Variants in DNAAF5 observed in about 807,000 individuals in gnomAD.
DNAAF5 encodes dynein axonemal assembly factor 5.
In DNAAF5, 64 loss-of-function variants were observed where a neutral mutation model predicts 75.8. The observed-to-expected ratio is 0.84, with a 90% CI of 0.69 to 1.04. The LOEUF (loss-of-function observed/expected upper bound fraction) is 1.04. Ranked by LOEUF, DNAAF5 falls within the 50% of genes least tolerant of loss-of-function variation. The pLI is 0.00. For missense variants in DNAAF5, 1,269 were observed against 1,178.5 expected, an observed-to-expected ratio of 1.08 and a Z score of -1.12; for synonymous variants, 657 against 557.2, an observed-to-expected ratio of 1.18 and a Z score of -2.52.
At chr7:735,592 C>G (rs1168592197) in intron 2 of DNAAF5, among the ~76,000 whole-genome samples, 1 of 152,180 alleles carries the variant, frequency 6.6e-6, no homozygotes, top group Non-Finnish European at 1.5e-5. Flanking sequence ...AGTGTAGTTG[C>G]TCACAGTCTC....
In DNAAF5 at chr7:745,774, C is replaced by T. The variant is rs113603951; in HGVS notation, c.1024+4309C>T. Among the ~76,000 whole-genome samples the T allele has an allele frequency of 3.2e-3, 493 of 152,368 alleles. 24 individuals carry two copies. In the East Asian group the frequency reaches 0.087, roughly 27 times the overall value. The stretch of plus-strand genomic sequence containing the variant: ...TGTACATACACATCCTGCCCTACCC[C>T]GCCAACTGTCTGGCCCTGCTAGTAG... On this transcript the variant is annotated intron_variant, in intron 4 of 12. Transcript: ENST00000297440.
At chr7:780,830 T>C (rs1388296594) in intron 12 of DNAAF5, among the ~76,000 whole-genome samples, 2 of 151,886 alleles carry the variant, frequency 1.3e-5, no homozygotes, top group African/African-American at 2.4e-5. Context: ...TTTTTTCTTT[T>C]TTTTTTTTTT....
At chr7:753,732 G>T (rs111995651) in intron 4 of DNAAF5, among the ~76,000 whole-genome samples, 4 of 133,488 alleles carry the variant, frequency 3.0e-5, no homozygotes, top group African/African-American at 1.2e-4. Context: ...GGACGGCTTC[G>T]CAGGCGTGTC....
Position 785,978 on chromosome 7 carries a change from C to T in DNAAF5, c.*325C>T, listed in dbSNP as rs1779134083. 1.2e-5 allele frequency: 3 copies of T among 256,080 alleles called. No homozygotes were observed. In the South Asian group the frequency reaches 2.6e-4, roughly 22 times the overall value. The allele number at this position is 256,080 out of a possible 1,614,324, so 15.9% of individuals were successfully genotyped here. Reference sequence around the variant, plus strand: ...CTCACGTGCGCAGCTGGTTCATGAACTATTGGCTGCATCCTGCTTAGGTGC... The same window carrying T: ...CTCACGTGCGCAGCTGGTTCATGAATTATTGGCTGCATCCTGCTTAGGTGC... On this transcript the variant is annotated 3_prime_UTR_variant, in exon 13 of 13. Transcript: ENST00000297440.
intron 2 of DNAAF5, among the ~76,000 whole-genome samples, chr7:738,098 C>A (rs1400662342): frequency 6.6e-6 from 1 of 152,182 alleles, no homozygotes; most frequent in South Asian, 2.1e-4. Context: ...GTGCTTCATT[C>A]TTTCTATTCT....
intron 4 of DNAAF5, among the ~76,000 whole-genome samples, chr7:749,700 T>C (rs954410472): frequency 2.6e-5 from 4 of 152,282 alleles, no homozygotes; most frequent in African/African-American, 9.6e-5. Context: ...AAGAAGGAAC[T>C]TCTTTTTCTT....
chr7:783,619 C>T (rs1199984642), intron 12 of DNAAF5, among the ~76,000 whole-genome samples: 1 of 152,214 alleles, frequency 6.6e-6, no homozygotes, highest in Non-Finnish European at 1.5e-5. Flanking sequence ...AAAGAAGCTG[C>T]GAATTGGAGA....
At chr7:758,510 G>C (rs931305316) in intron 6 of DNAAF5, among the ~76,000 whole-genome samples, 6 of 152,324 alleles carry the variant, frequency 3.9e-5, no homozygotes, top group Non-Finnish European at 8.8e-5. Context: ...GGCTGCGAAC[G>C]TGTGTCGGCC....
intron 6 of DNAAF5, among the ~76,000 whole-genome samples, chr7:760,801 T>C (rs1583501874): frequency 6.6e-6 from 1 of 152,178 alleles, no homozygotes; most frequent in African/African-American, 2.4e-5. Context: ...AAGCCATTCA[T>C]CCAGCGCAGC....
intron 6 of DNAAF5, among the ~76,000 whole-genome samples, chr7:759,074 T>C (rs1454244028): frequency 6.7e-6 from 1 of 149,372 alleles, no homozygotes; most frequent in African/African-American, 2.5e-5. Flanking sequence ...TTCTGTGCTC[T>C]TCCCACGCCC....
At chr7:741,646 C>T (rs899348234) in intron 4 of DNAAF5, among the ~76,000 whole-genome samples, 181 bp downstream of exon 4, 1 of 152,232 alleles carries the variant, frequency 6.6e-6, no homozygotes, top group Non-Finnish European at 1.5e-5. Context: ...GCACGTCTCT[C>T]CTCAGCATCT....
chr7:735,424 A>G (rs1370515840), intron 2 of DNAAF5, among the ~76,000 whole-genome samples: 2 of 147,522 alleles, frequency 1.4e-5, no homozygotes, highest in East Asian at 2.0e-4. Context: ...GCTGCTTACA[A>G]CGTCGCTGCT....
intron 6 of DNAAF5, among the ~76,000 whole-genome samples, chr7:758,364 T>A (rs1186831344): frequency 6.6e-6 from 1 of 152,216 alleles, no homozygotes; most frequent in Admixed American, 6.5e-5. Context: ...AATTGTGTCA[T>A]CCCACAGTTG....
chr7:782,793 G>T (rs575189379), intron 12 of DNAAF5, among the ~76,000 whole-genome samples: 1 of 150,700 alleles, frequency 6.6e-6, no homozygotes, highest in South Asian at 2.1e-4. Flanking sequence ...CCGTCACGCA[G>T]CGTCAGAAAC....
chr7:783,722 T>C (rs1040148093), intron 12 of DNAAF5, among the ~76,000 whole-genome samples: 23 of 152,056 alleles, frequency 1.5e-4, no homozygotes, highest in Non-Finnish European at 2.9e-4. Context: ...CGCCCCCAGC[T>C]CCCCACACTC....
chr7:733,820 C>T (rs2128070582), intron 2 of DNAAF5, among the ~76,000 whole-genome samples: 1 of 152,256 alleles, frequency 6.6e-6, no homozygotes, highest in Non-Finnish European at 1.5e-5. Flanking sequence ...AGAGATCTTT[C>T]ACTTCTTTGG....
chr7:772,561 G>C (rs1179989371), intron 9 of DNAAF5: 1 of 152,206 alleles, frequency 6.6e-6, no homozygotes, highest in South Asian at 2.1e-4. Context: ...TGCTCGGGCA[G>C]GGAACCCGGA....
intron 7 of DNAAF5, among the ~76,000 whole-genome samples, chr7:762,764 C>A (rs866469382): frequency 2.0e-5 from 3 of 152,044 alleles, no homozygotes; most frequent in Non-Finnish European, 4.4e-5. Context: ...CAGGCGCCCA[C>A]CACCATACCC....
intron 8 of DNAAF5, among the ~76,000 whole-genome samples, chr7:766,185 CAT>C (rs771231235): frequency 3.3e-5 from 5 of 152,250 alleles, no homozygotes; most frequent in Non-Finnish European, 5.9e-5. Flanking sequence ...TGAGCGCACA[CAT>C]GTGTGGTGCT....
Sources: gnomAD v4.1 joint callset for allele counts (sites outside exome capture counted in the v4.1 genomes callset) on GRCh38, gnomAD v4.1.1 for gene constraint, MANE v1.5 for transcripts, NCBI Gene and HGNC (gene_info 2026-07-23, HGNC 2026-07-21) for gene names.